The following ARHGAP5 variants were observed in gnomAD, a reference collection of about 807,000 sequenced individuals.
The protein encoded by ARHGAP5 is Rho GTPase activating protein 5, also known as rho GTPase-activating protein 5.
Under a neutral mutation model 116.6 loss-of-function variants are expected in ARHGAP5, and 23 were observed. The observed-to-expected ratio is 0.20, with a 90% CI of 0.14 to 0.28. The LOEUF is 0.28. ARHGAP5 is among the 10% of genes least tolerant of loss of function. The pLI is 1.00. For synonymous variants in ARHGAP5, 574 were observed against 602.0 expected, an observed-to-expected ratio of 0.95 and a Z score of 0.68; for missense variants, 1,405 against 1,774.8, an observed-to-expected ratio of 0.79 and a Z score of 3.74.
rs145849865 is a variant in ARHGAP5, at chr14:32,119,103, TTATAG to T, written c.3865+1821_3865+1825del. ...GATTAAACTAGTTCTTTTGTTGTCG[TTATAG>T]TATATTGTTTGATTTTATTACTGAT... On this transcript the variant is annotated intron_variant, in intron 3 of 6. Transcript: ENST00000345122. 1.3e-3 allele frequency among the ~76,000 whole-genome samples: 194 copies of T among 152,244 alleles called. 1 individual carries two copies. Among genetic ancestry groups the T allele is most frequent in the African/African-American group, 4.3e-3 (179 of 41,562 alleles).
chr14:32,140,487 G>A (rs999845941), intron 3 of ARHGAP5, among the ~76,000 whole-genome samples: 2 of 152,230 alleles, frequency 1.3e-5, no homozygotes, highest in Non-Finnish European at 1.5e-5. Flanking sequence ...CTACTCTGGA[G>A]GCTGAGGCAG....
intron 1 of ARHGAP5, among the ~76,000 whole-genome samples, chr14:32,082,624 C>T (rs1174591858): frequency 6.6e-6 from 1 of 152,160 alleles, no homozygotes; most frequent in Non-Finnish European, 1.5e-5. Flanking sequence ...TCACTGCAGT[C>T]CGCCTCCTGG....
chr14:32,084,293 G>A (rs980874018), intron 1 of ARHGAP5, among the ~76,000 whole-genome samples: 1 of 152,082 alleles, frequency 6.6e-6, no homozygotes, highest in Non-Finnish European at 1.5e-5. Context: ...TGCCTACTTG[G>A]ACCCTCCTTG....
chr14:32,158,005 A>C lies in ARHGAP5; in HGVS notation c.*3057A>C, dbSNP rs1239417523. On this transcript the variant is annotated 3_prime_UTR_variant, in exon 7 of 7. Coordinates refer to ENST00000345122, the MANE Select transcript of ARHGAP5 (RefSeq NM_001030055.2). ...AATACACATATAATTTTAAAAAGTCAAAAGTGCTTTTGTTTCTTTGTTTAA... is the reference window on the plus strand; with the variant it reads ...AATACACATATAATTTTAAAAAGTCCAAAGTGCTTTTGTTTCTTTGTTTAA... 3 of 151,750 alleles carry C rather than the reference A, an allele frequency of 2.0e-5. No homozygotes were observed. The highest frequency in any genetic ancestry group is 4.4e-5 in the Non-Finnish European group (3 of 67,720). The allele number at this position is 151,750 out of a possible 1,614,324, so 9.4% of individuals were successfully genotyped here.
rs750305754 is a variant in ARHGAP5 at position 32,091,736 on chromosome 14, T to C, written c.1067T>C (p.Ile356Thr). Reference protein sequence around the residue: ...FNTLLPNLEEIEHLNWSEALK... With the variant: ...FNTLLPNLEETEHLNWSEALK... ...ACTCTTTTGCCAAATCTAGAAGAGA[T>C]TGAACATTTGAATTGGTCAGAAGCT... The change falls in exon 2 of 7, where the codon ATT becomes ACT. Residue 356 changes from isoleucine (I) to threonine (T), a missense_variant. By Grantham distance (89) the Ile-to-Thr change is moderately conservative. Around this residue, in one of 6 missense-constraint regions of ARHGAP5, gnomAD observed 944 missense variants for 1,095.3 expected, o/e 0.86. Coordinates refer to ENST00000345122, the MANE Select transcript of ARHGAP5 (RefSeq NM_001030055.2). 7.4e-6 allele frequency: 12 copies of C among 1,613,260 alleles called. No individual in the cohort carries two copies. Among genetic ancestry groups the C allele is most frequent in the East Asian group, 6.7e-5 (3 of 44,862 alleles).
At position 32,117,148 on chromosome 14, in the gene ARHGAP5, G is replaced by GA; in HGVS notation, c.3730dup (p.Thr1244AsnfsTer2). On this transcript the variant is annotated frameshift_variant, in exon 3 of 7. Transcript: ENST00000345122. LOFTEE classifies it high-confidence loss of function. Reference sequence around the variant, plus strand: ...AATATGTTTTCTTATAGCAGAAAAAGAAAACTAAGAACTTCAATCCACCAA... The same window carrying GA: ...AATATGTTTTCTTATAGCAGAAAAAGAAAAACTAAGAACTTCAATCCACCAA... The GA allele has an allele frequency of 6.3e-7, 1 of 1,594,650 alleles. No individual in the cohort carries two copies. The highest frequency in any genetic ancestry group is 8.5e-7 in the Non-Finnish European group (1 of 1,172,930).
chr14:32,110,559 T>C (rs1345581864), intron 2 of ARHGAP5, among the ~76,000 whole-genome samples: 1 of 151,966 alleles, frequency 6.6e-6, no homozygotes, highest in Admixed American at 6.6e-5. Flanking sequence ...CCATGTGACT[T>C]GAGGAAGGCG....
At chr14:32,131,324 G>A (rs938825105) in intron 3 of ARHGAP5, among the ~76,000 whole-genome samples, 6 of 132,430 alleles carry the variant, frequency 4.5e-5, no homozygotes, top group Admixed American at 2.3e-4. Context: ...TATTAATTGT[G>A]TTAATTTTGT....
chr14:32,131,085 A>T (rs1417935795), intron 3 of ARHGAP5, among the ~76,000 whole-genome samples: 1 of 152,152 alleles, frequency 6.6e-6, no homozygotes, highest in Non-Finnish European at 1.5e-5. Context: ...CATAACTGCA[A>T]AATAAATACA....
chr14:32,150,859 G>T (rs549399649), intron 5 of ARHGAP5, among the ~76,000 whole-genome samples: 1 of 152,272 alleles, frequency 6.6e-6, no homozygotes, highest in African/African-American at 2.4e-5. Context: ...CTTTCATTCA[G>T]ATGTTTCCAC....
intron 4 of ARHGAP5, 26 bp downstream of exon 4, chr14:32,146,366 A>T (rs1403429384): frequency 2.6e-6 from 4 of 1,539,606 alleles, no homozygotes; most frequent in Non-Finnish European, 3.6e-6. Flanking sequence ...TGTGAAATAA[A>T]AATTGTTGTT....
At chr14:32,132,440 T>C (rs1880552872) in intron 3 of ARHGAP5, among the ~76,000 whole-genome samples, 1 of 152,224 alleles carries the variant, frequency 6.6e-6, no homozygotes, top group African/African-American at 2.4e-5. Context: ...TTGTTTGTTA[T>C]TTTCTTGTAA....
At position 32,158,520 on chromosome 14, in the gene ARHGAP5, A is replaced by AAT. The variant is rs1230123343; in HGVS notation, c.*3572_*3573insAT. On this transcript the variant is annotated 3_prime_UTR_variant, in exon 7 of 7. Transcript: ENST00000345122. ...ATTTGTGTCTTCATGGTTTGTGACT[A>AAT]TTAGGCCAAATTTTGTGGTATATGT... 1 of 151,984 alleles carries AAT rather than the reference A, an allele frequency of 6.6e-6. No homozygotes were observed. Among genetic ancestry groups the AAT allele is most frequent in the Non-Finnish European group, 1.5e-5 (1 of 67,860 alleles). The allele number at this position is 151,984 out of a possible 1,614,324, so 9.4% of individuals were successfully genotyped here. A position where few individuals can be genotyped will look rare whatever the true frequency, so the allele number is the denominator to read the frequency against.
intron 2 of ARHGAP5, among the ~76,000 whole-genome samples, chr14:32,106,028 G>T (rs1376982986): frequency 1.3e-5 from 2 of 152,268 alleles, no homozygotes; most frequent in Admixed American, 1.3e-4. Context: ...ACATCAGGTC[G>T]TTCCAGTTTT....
rs137992429 is a variant in ARHGAP5 at position 32,153,093 on chromosome 14, A to G, written c.4181+565A>G. Among the ~76,000 whole-genome samples, 416 of 150,028 alleles carry G rather than the reference A, an allele frequency of 2.8e-3. 4 individuals are homozygous for G. The highest frequency in any genetic ancestry group is 9.6e-3 in the African/African-American group (395 of 41,020). On this transcript the variant is annotated intron_variant, in intron 6 of 6. Coordinates refer to ENST00000345122, the MANE Select transcript of ARHGAP5 (RefSeq NM_001030055.2). ...AACTAATAGTATCAACACCCAAACC[A>G]AGTACATTTCAGCTGGTACCTCCTA...
intron 2 of ARHGAP5, among the ~76,000 whole-genome samples, chr14:32,101,338 T>C (rs936038448): frequency 6.6e-6 from 1 of 152,154 alleles, no homozygotes; most frequent in African/African-American, 2.4e-5. Flanking sequence ...AGTCACAAGG[T>C]ATTAATCTGA....
At position 32,094,064 on chromosome 14, in the gene ARHGAP5, A is replaced by G. The variant is rs1340351059; in HGVS notation, c.3395A>G (p.Asp1132Gly). 1 of 1,614,086 alleles carries G rather than the reference A, an allele frequency of 6.2e-7. No individual in the cohort carries two copies. The highest frequency in any genetic ancestry group is 1.3e-5 in the African/African-American group (1 of 75,054). ...TCATTTGTAAATAACACCCAAGGAG[A>G]TGAAGAAAATGGGTTTTCTGATAGA... ...RNSFVNNTQG[D>G]EENGFSDRTS... The change falls in exon 2 of 7, where the codon GAT (aspartate) becomes GGT (glycine). Residue 1132 changes from aspartate to glycine, a missense_variant. Asp to Gly is a moderately conservative substitution (Grantham distance 94). Transcript: ENST00000345122.
intron 2 of ARHGAP5, among the ~76,000 whole-genome samples, chr14:32,096,860 G>T (rs1878549735): frequency 1.3e-5 from 2 of 152,136 alleles, no homozygotes; most frequent in Admixed American, 1.3e-4. Context: ...GAAAATTATA[G>T]TTCCATTTTA....
intron 3 of ARHGAP5, among the ~76,000 whole-genome samples, chr14:32,128,300 A>G (rs999801560): frequency 3.3e-5 from 5 of 152,212 alleles, no homozygotes; most frequent in Non-Finnish European, 5.9e-5. Flanking sequence ...AGAGGCCGCA[A>G]TCTCAGCACT....
Sources: gnomAD v4.1 joint callset for allele counts (sites outside exome capture counted in the v4.1 genomes callset) on GRCh38, gnomAD v4.1.1 for gene constraint, gnomAD v4.1.1 regional missense constraint, MANE v1.5 for transcripts, NCBI Gene and HGNC (gene_info 2026-07-23, HGNC 2026-07-21) for gene names.